The following NAA16 variants were observed in gnomAD, a reference collection of about 807,000 sequenced individuals.
The protein encoded by NAA16 is N-alpha-acetyltransferase 16, NatA auxiliary subunit.
Under a neutral mutation model 110.3 loss-of-function variants are expected in NAA16, and 97 were observed. The observed-to-expected ratio is 0.88, with a 90% CI of 0.75 to 1.04. NAA16 has a LOEUF of 1.04. NAA16 is among the 50% of genes least tolerant of loss of function. The pLI, the probability that NAA16 is intolerant of heterozygous loss-of-function variation, is 0.00. For missense variants in NAA16, 1,017 were observed against 1,005.1 expected (o/e 1.01, Z -0.16); for synonymous variants, 372 against 330.6 (o/e 1.13, Z -1.36).
Position 41,336,723 on chromosome 13 carries a change from T to C in NAA16, c.981T>C (p.Thr327=), listed in dbSNP as rs2042391038. 1 of 1,607,628 alleles carries C rather than the reference T, an allele frequency of 6.2e-7. No homozygotes were observed. The highest frequency in any genetic ancestry group is 8.5e-7 in the Non-Finnish European group (1 of 1,176,226). Residue 327 remains threonine, a synonymous_variant, in exon 9 of 20, where the codon ACT becomes ACC. Coordinates refer to ENST00000379406, the MANE Select transcript of NAA16 (RefSeq NM_024561.5). ...NFSKGCPPLF[T]TLKSLYYNTE... is the part of the protein sequence containing the mutation. The stretch of plus-strand genomic sequence containing the variant: ...GTAAAGGCTGCCCACCCTTGTTTAC[T>C]ACTTTGAAATCTTTATATTACAATA...
Position 41,331,177 on chromosome 13 carries a change from C to T in NAA16, c.812-97C>T, listed in dbSNP as rs116360230. The T allele has an allele frequency of 3.9e-4, 271 of 686,948 alleles. 1 individual carries two copies. In the African/African-American group the frequency reaches 4.1e-3, roughly 10 times the overall value. The allele number at this position is 686,948 out of a possible 1,614,324, so 42.6% of individuals were successfully genotyped here. ...GAAAGCAGCTTTAATATTGTTAATG[C>T]AGTTTTATTTATAACAAAATTTTAG... On this transcript the variant is annotated intron_variant, in intron 7 of 19. Coordinates refer to ENST00000379406, the MANE Select transcript of NAA16 (RefSeq NM_024561.5).
intron 16 of NAA16, 186 bp from the exon 17 acceptor site, chr13:41,372,546 T>C: frequency 1.0e-6 from 1 of 985,398 alleles, no homozygotes; most frequent in Non-Finnish European, 1.2e-6. Context: ...GCAATTTTTA[T>C]GATTTTTCAA....
intron 6 of NAA16, among the ~76,000 whole-genome samples, chr13:41,326,268 TA>T (rs2042091408): frequency 6.6e-6 from 1 of 152,200 alleles, no homozygotes; most frequent in Non-Finnish European, 1.5e-5. Context: ...CATTATGGGC[TA>T]ATTATGAAGA....
intron 13 of NAA16, among the ~76,000 whole-genome samples, chr13:41,366,414 T>C (rs1412983378): frequency 1.3e-5 from 2 of 152,126 alleles, no homozygotes; most frequent in African/African-American, 4.8e-5. Context: ...TTGATCTATA[T>C]TGGTGTATTG....
At chr13:41,329,813 G>A (rs1263382060) in intron 7 of NAA16, among the ~76,000 whole-genome samples, 3 of 151,794 alleles carry the variant, frequency 2.0e-5, no homozygotes, top group Admixed American at 6.6e-5. Flanking sequence ...GTAACATTAC[G>A]ATTTATAAAA....
At chr13:41,375,382 G>A in intron 19 of NAA16, 23 bp from the exon 20 acceptor site, 1 of 1,553,800 alleles carries the variant, frequency 6.4e-7, no homozygotes, top group Non-Finnish European at 8.8e-7. Flanking sequence ...TAAATAATTT[G>A]TGTTTTCCTT....
Position 41,328,755 on chromosome 13 carries a change from A to G in NAA16, c.723A>G (p.Lys241=), listed in dbSNP as rs1282224255. The G allele has an allele frequency of 1.9e-6, 3 of 1,608,516 alleles. No homozygotes were observed. Among genetic ancestry groups the G allele is most frequent in the Middle Eastern group, 3.3e-4 (2 of 6,046 alleles). The change falls in exon 7 of 20, where the codon AAA becomes AAG. Residue 241 remains lysine, a synonymous_variant. Coordinates refer to ENST00000379406, the MANE Select transcript of NAA16 (RefSeq NM_024561.5). ...TACTGTTGAAATTGGGAAGATTAAA[A>G]GAAGCCAGTGAAGTGTTCAAAAACT... is the stretch of plus-strand genomic sequence containing the variant. ...GEILLKLGRL[K]EASEVFKNLI... is the part of the protein sequence containing the mutation.
intron 5 of NAA16, among the ~76,000 whole-genome samples, chr13:41,325,476 T>C (rs772067942): frequency 5.9e-5 from 9 of 152,182 alleles, no homozygotes; most frequent in Non-Finnish European, 1.3e-4. Context: ...ATGTAGGATT[T>C]CTTGACCTGT....
At chr13:41,326,413 G>A (rs564139392) in intron 6 of NAA16, among the ~76,000 whole-genome samples, 2 of 152,082 alleles carry the variant, frequency 1.3e-5, no homozygotes, top group Admixed American at 6.6e-5. Context: ...TAATAGTTTA[G>A]AACTAAAGTT....
intron 3 of NAA16, 139 bp from the exon 4 acceptor site, chr13:41,320,528 C>T (rs2041919556): frequency 9.2e-6 from 7 of 757,044 alleles, no homozygotes; most frequent in Non-Finnish European, 1.4e-5. Context: ...TTCCCCTCAC[C>T]ATTCCCCTCC....
At chr13:41,349,430 C>T (rs1260495501) in intron 9 of NAA16, among the ~76,000 whole-genome samples, 1 of 151,734 alleles carries the variant, frequency 6.6e-6, no homozygotes, top group South Asian at 2.1e-4. Context: ...GATCCTCTCA[C>T]TTAGGCATCC....
At chr13:41,373,574 AG>A in intron 17 of NAA16, 62 bp from the exon 18 acceptor site, 3 of 1,481,618 alleles carry the variant, frequency 2.0e-6, no homozygotes, top group Non-Finnish European at 2.7e-6. Context: ...GGTTTTCAGT[AG>A]GTTTTTTTTT....
intron 1 of NAA16, among the ~76,000 whole-genome samples, chr13:41,312,001 C>T (rs2041610369): frequency 6.6e-6 from 1 of 152,220 alleles, no homozygotes; most frequent in Non-Finnish European, 1.5e-5. Context: ...GCATTCTCTG[C>T]TTTGCGTTTA....
intron 10 of NAA16, 84 bp from the exon 11 acceptor site, chr13:41,358,220 C>A: frequency 8.7e-7 from 1 of 1,143,314 alleles, no homozygotes; most frequent in South Asian, 1.5e-5. Context: ...TTGCAATAGT[C>A]ATTTCATTAT....
rs753006898 is a variant in NAA16 at position 41,374,817 on chromosome 13, CTA to C, written c.2378_2379del (p.Ile793LysfsTer3). The stretch of plus-strand genomic sequence containing the variant: ...GCTATAGCCACTAGACTAGATGAAA[CTA>C]TAAAAGATAAAGATGTAAAGGTAAG... On this transcript the variant is annotated frameshift_variant, in exon 19 of 20. Coordinates refer to ENST00000379406, the MANE Select transcript of NAA16 (RefSeq NM_024561.5). LOFTEE classifies it low-confidence loss of function (END_TRUNC). The C allele has an allele frequency of 6.2e-7, 1 of 1,608,802 alleles. No individual in the cohort carries two copies. Among genetic ancestry groups the C allele is most frequent in the Non-Finnish European group, 8.5e-7 (1 of 1,177,124 alleles).
At chr13:41,334,165 A>G (rs1483028882) in intron 8 of NAA16, among the ~76,000 whole-genome samples, 1 of 152,216 alleles carries the variant, frequency 6.6e-6, no homozygotes. Flanking sequence ...AAAAGCAGTA[A>G]GATCTTCCTC....
intron 9 of NAA16, among the ~76,000 whole-genome samples, chr13:41,345,306 A>G (rs1409155098): frequency 1.3e-5 from 2 of 152,230 alleles, no homozygotes; most frequent in Non-Finnish European, 2.9e-5. Context: ...CATTCTCACA[A>G]GCAGTATATG....
intron 9 of NAA16, among the ~76,000 whole-genome samples, chr13:41,345,090 T>C (rs1420951216): frequency 6.6e-6 from 1 of 152,252 alleles, no homozygotes; most frequent in Non-Finnish European, 1.5e-5. Context: ...TTCCATTTTA[T>C]GGATATACCA....
intron 13 of NAA16, chr13:41,362,453 A>G (rs1593518130): frequency 3.0e-6 from 1 of 337,780 alleles, no homozygotes; most frequent in East Asian, 8.1e-5. Context: ...TTAGGCCATT[A>G]TTTTGATATT....
Sources: allele counts gnomAD v4.1 joint callset (sites outside exome capture counted in the v4.1 genomes callset), GRCh38; gene constraint gnomAD v4.1.1; transcripts MANE v1.5; gene names NCBI Gene and HGNC (gene_info 2026-07-23, HGNC 2026-07-21).